The following MEIKIN variants were observed in gnomAD, a reference collection of about 807,000 sequenced individuals.
MEIKIN encodes meiotic kinetochore factor.
chr5:131,840,411 A>T (rs1275256742), intron 11 of MEIKIN, among the ~76,000 whole-genome samples: 3 of 152,112 alleles, frequency 2.0e-5, no homozygotes, highest in Non-Finnish European at 4.4e-5. Flanking sequence ...TGGCCTCTCT[A>T]GCTAGGTTGG....
intron 9 of MEIKIN, among the ~76,000 whole-genome samples, chr5:131,861,263 C>T (rs1293646090): frequency 6.6e-6 from 1 of 151,932 alleles, no homozygotes; most frequent in African/African-American, 2.4e-5. Context: ...GTGGTGCATG[C>T]CTGTAGTCCC....
rs189400348 is a variant in MEIKIN at position 131,823,405 on chromosome 5, C to A, written c.976-4542G>T. Among the ~76,000 whole-genome samples the A allele has an allele frequency of 3.1e-3, 464 of 151,894 alleles. 2 individuals are homozygous for A. The highest frequency in any genetic ancestry group is 0.01 in the African/African-American group (432 of 41,342). On this transcript the variant is annotated intron_variant, in intron 11 of 12. Transcript: ENST00000442687. ...CTTTCTTCTTTTGTCTCCTCTCTGT[C>A]TTTTCAAATAGCCAGTCTTAAGCTC...
At chr5:131,944,507 G>C (rs1378786887) in intron 3 of MEIKIN, 158 bp downstream of exon 3, 3 of 393,246 alleles carry the variant, frequency 7.6e-6, no homozygotes, top group African/African-American at 6.2e-5. Context: ...AGAAATTCAA[G>C]GCCCTGTCTA....
At position 131,909,175 on chromosome 5, in the gene MEIKIN, C is replaced by T. The variant is rs552276185; in HGVS notation, c.703+2640G>A. 7.9e-5 allele frequency among the ~76,000 whole-genome samples: 12 copies of T among 152,108 alleles called. No individual in the cohort carries two copies. The South Asian group carries it at 2.1e-3, about 26-fold the overall frequency. On this transcript the variant is annotated intron_variant, in intron 8 of 12. Coordinates refer to ENST00000442687, the MANE Select transcript of MEIKIN (RefSeq NM_001303622.2). Reference sequence around the variant, plus strand: ...TACGTGACTTTAAATTATACTATGGCGCTACAGTAACCCAAACAGCATGGT... The same window carrying T: ...TACGTGACTTTAAATTATACTATGGTGCTACAGTAACCCAAACAGCATGGT...
intron 8 of MEIKIN, among the ~76,000 whole-genome samples, chr5:131,910,096 G>GT (rs1292836746): frequency 6.6e-6 from 1 of 151,806 alleles, no homozygotes; most frequent in Non-Finnish European, 1.5e-5. Flanking sequence ...GGAAATCAGT[G>GT]TATCAAAGAG....
At chr5:131,838,632 G>A (rs780062378) in intron 11 of MEIKIN, among the ~76,000 whole-genome samples, 1 of 151,820 alleles carries the variant, frequency 6.6e-6, no homozygotes, top group Non-Finnish European at 1.5e-5. Context: ...TTTCTAGTTT[G>A]TGTACATAGA....
Position 131,933,415 on chromosome 5 carries a change from T to C in MEIKIN, c.478+98A>G, listed in dbSNP as rs528073975. The C allele has an allele frequency of 8.8e-5, 34 of 384,788 alleles. 1 individual carries two copies. The South Asian group carries it at 1.7e-3, about 20-fold the overall frequency. 23.8% of individuals were successfully genotyped at this position (384,788 alleles called of 1,614,324 possible). On this transcript the variant is annotated intron_variant, in intron 5 of 12. Coordinates refer to ENST00000442687, the MANE Select transcript of MEIKIN (RefSeq NM_001303622.2). Reference sequence around the variant, plus strand: ...GTGAGGTGTTGGTGAGGAAGAGGAGTATGCCTTCTCGAAAGGGACGTTTAT... The same window carrying C: ...GTGAGGTGTTGGTGAGGAAGAGGAGCATGCCTTCTCGAAAGGGACGTTTAT...
intron 11 of MEIKIN, among the ~76,000 whole-genome samples, chr5:131,823,929 G>C (rs1409770844): frequency 6.6e-6 from 1 of 152,152 alleles, no homozygotes; most frequent in African/African-American, 2.4e-5. Flanking sequence ...GTACCACCTT[G>C]GTAGTGTTGG....
At chr5:131,913,024 T>C (rs999343652) in intron 7 of MEIKIN, among the ~76,000 whole-genome samples, 2 of 152,196 alleles carry the variant, frequency 1.3e-5, no homozygotes, top group African/African-American at 4.8e-5. Context: ...TTGACTGATA[T>C]AGTTATGTGC....
chr5:131,927,690 C>G (rs181497494), intron 5 of MEIKIN, among the ~76,000 whole-genome samples: 108 of 152,154 alleles, frequency 7.1e-4, no homozygotes, highest in Middle Eastern at 3.4e-3. Flanking sequence ...GGTGAATTGA[C>G]CCTTTTATTA....
chr5:131,838,685 G>A (rs1258777370), intron 11 of MEIKIN, among the ~76,000 whole-genome samples: 1 of 151,908 alleles, frequency 6.6e-6, no homozygotes, highest in African/African-American at 2.4e-5. Flanking sequence ...TTTTCTGTGG[G>A]GCCAGTGTTA....
At chr5:131,824,395 C>A (rs968447025) in intron 11 of MEIKIN, among the ~76,000 whole-genome samples, 24 of 151,758 alleles carry the variant, frequency 1.6e-4, no homozygotes, top group Non-Finnish European at 3.2e-4. Context: ...TGGTCCACAC[C>A]TGCAGCCATA....
chr5:131,853,506 A>AT (rs1479635692), intron 10 of MEIKIN, among the ~76,000 whole-genome samples: 1 of 152,174 alleles, frequency 6.6e-6, no homozygotes, highest in Non-Finnish European at 1.5e-5. Flanking sequence ...AAAAAGACAA[A>AT]TTTTACTATG....
intron 8 of MEIKIN, among the ~76,000 whole-genome samples, chr5:131,904,836 T>C (rs1751217796): frequency 6.6e-6 from 1 of 152,190 alleles, no homozygotes; most frequent in Non-Finnish European, 1.5e-5. Flanking sequence ...TTCATGTCCT[T>C]TGCAGGGACA....
chr5:131,853,264 CAT>C (rs1359298338), intron 10 of MEIKIN, among the ~76,000 whole-genome samples: 6 of 152,200 alleles, frequency 3.9e-5, no homozygotes, highest in Non-Finnish European at 7.3e-5. Flanking sequence ...TGTAATTACA[CAT>C]GTCCTTTGTG....
intron 4 of MEIKIN, 38 bp from the exon 5 acceptor site, chr5:131,933,679 G>C (rs1580914126): frequency 2.5e-6 from 1 of 397,142 alleles, no homozygotes. Context: ...TAAATCTTTT[G>C]ATACAAAACA....
chr5:131,894,885 C>G (rs1036735756), intron 8 of MEIKIN, among the ~76,000 whole-genome samples: 1 of 152,118 alleles, frequency 6.6e-6, no homozygotes, highest in Non-Finnish European at 1.5e-5. Context: ...ACTGAATACC[C>G]TTTATTTCTT....
chr5:131,846,156 A>C (rs930026661), intron 11 of MEIKIN, among the ~76,000 whole-genome samples: 1 of 152,212 alleles, frequency 6.6e-6, no homozygotes, highest in Non-Finnish European at 1.5e-5. Flanking sequence ...CTGTGAACCA[A>C]ATATCCTACA....
At chr5:131,924,635 T>A (rs538435313) in intron 5 of MEIKIN, among the ~76,000 whole-genome samples, 5 of 152,336 alleles carry the variant, frequency 3.3e-5, no homozygotes, top group African/African-American at 9.6e-5. Flanking sequence ...TGGAGAAATA[T>A]CTATTCAAGT....
Sources: allele counts gnomAD v4.1 joint callset (sites outside exome capture counted in the v4.1 genomes callset), GRCh38; gene constraint gnomAD v4.1.1; transcripts MANE v1.5; gene names NCBI Gene and HGNC (gene_info 2026-07-23, HGNC 2026-07-21).